ATF7: variants seen among roughly 807,000 people sequenced by gnomAD.
ATF7 encodes the protein cyclic AMP-dependent transcription factor ATF-7.
A neutral mutation model predicts 50.4 loss-of-function variants in ATF7; 10 were observed. That is an observed-to-expected ratio of 0.20 (90% confidence interval 0.12 to 0.34). The LOEUF (loss-of-function observed/expected upper bound fraction) is 0.34. Ranked by LOEUF, ATF7 falls within the 10% of genes least tolerant of loss-of-function variation. The pLI is 1.00. For missense variants in ATF7, 465 were observed against 613.9 expected, an observed-to-expected ratio of 0.76 and a Z score of 2.56; for synonymous variants, 201 against 226.4, an observed-to-expected ratio of 0.89 and a Z score of 1.01.
chr12:53,598,589 A>C (rs942111259), intron 2 of ATF7, among the ~76,000 whole-genome samples: 9 of 152,214 alleles, frequency 5.9e-5, no homozygotes, highest in Admixed American at 5.9e-4. Flanking sequence ...ACCAAAGTCA[A>C]AGTCCCTACT....
intron 1 of ATF7, among the ~76,000 whole-genome samples, chr12:53,614,026 G>A (rs1450174827): frequency 3.3e-5 from 5 of 152,098 alleles, no homozygotes; most frequent in Non-Finnish European, 7.3e-5. Flanking sequence ...AAATAGTTTT[G>A]CAGCAAATGA....
At chr12:53,531,408 G>C (rs1278496644) in intron 9 of ATF7, among the ~76,000 whole-genome samples, 3 of 146,580 alleles carry the variant, frequency 2.0e-5, no homozygotes, top group African/African-American at 7.6e-5. Context: ...GGCAACAAGA[G>C]CGAAACTCCA....
intron 11 of ATF7, among the ~76,000 whole-genome samples, chr12:53,521,496 T>C (rs1016104152): frequency 2.6e-5 from 4 of 152,196 alleles, no homozygotes; most frequent in Non-Finnish European, 5.9e-5. Flanking sequence ...CTTTGCATCT[T>C]TGCAGTTGCT....
At chr12:53,571,399 T>C (rs184712967) in intron 2 of ATF7, among the ~76,000 whole-genome samples, 1 of 152,248 alleles carries the variant, frequency 6.6e-6, no homozygotes, top group African/African-American at 2.4e-5. Flanking sequence ...AATTTAAACA[T>C]AATTATCTCC....
At chr12:53,547,262 G>T (rs1424675489) in intron 3 of ATF7, among the ~76,000 whole-genome samples, 1 of 147,996 alleles carries the variant, frequency 6.8e-6, no homozygotes, top group African/African-American at 2.5e-5. Context: ...GGGATTACAG[G>T]TGTGAGCCAC....
intron 2 of ATF7, among the ~76,000 whole-genome samples, chr12:53,600,276 T>C (rs1943337309): frequency 6.6e-6 from 1 of 152,198 alleles, no homozygotes; most frequent in Admixed American, 6.5e-5. Flanking sequence ...CATTATCAGC[T>C]GCCTCTCCAA....
rs551610116 is a variant in ATF7 at position 53,572,209 on chromosome 12, A to G, written c.49-19572T>C. ...TAACAGTTGTCACTCTATCCTAACA[A>G]CAAATAAAAAGCTGAACTGAAAAAT... On this transcript the variant is annotated intron_variant, in intron 2 of 11. Transcript: ENST00000420353. Among the ~76,000 whole-genome samples, 3 of 152,364 alleles carry G rather than the reference A, an allele frequency of 2.0e-5. No individual in the cohort carries two copies. In the East Asian group the frequency reaches 5.8e-4, roughly 29 times the overall value.
chr12:53,534,138 G>A (rs1006521439), intron 6 of ATF7, among the ~76,000 whole-genome samples: 3 of 152,074 alleles, frequency 2.0e-5, no homozygotes, highest in East Asian at 1.9e-4. Flanking sequence ...TTAGCTGGGC[G>A]TGGTTGCAGG....
intron 2 of ATF7, among the ~76,000 whole-genome samples, chr12:53,567,426 G>T (rs887022033): frequency 5.9e-5 from 9 of 152,188 alleles, no homozygotes; most frequent in Non-Finnish European, 1.3e-4. Flanking sequence ...CTAAAGAATG[G>T]AGTTTTAGAC....
At chr12:53,536,844 C>T (rs1004325820) in intron 5 of ATF7, among the ~76,000 whole-genome samples, 1 of 151,902 alleles carries the variant, frequency 6.6e-6, no homozygotes, top group African/African-American at 2.4e-5. Flanking sequence ...GCCAAGATCA[C>T]GCCATTGCAC....
chr12:53,520,036 G>A (rs989298793), intron 11 of ATF7, among the ~76,000 whole-genome samples: 2 of 151,998 alleles, frequency 1.3e-5, no homozygotes, highest in African/African-American at 4.8e-5. Context: ...GTGAGCCACC[G>A]AGCAACAGGA....
At chr12:53,584,082 C>T (rs1217257687) in intron 2 of ATF7, among the ~76,000 whole-genome samples, 1 of 152,150 alleles carries the variant, frequency 6.6e-6, no homozygotes, top group Non-Finnish European at 1.5e-5. Flanking sequence ...CAAGTTCAAG[C>T]GATTCTCCTG....
intron 2 of ATF7, among the ~76,000 whole-genome samples, chr12:53,600,014 C>A (rs980706531): frequency 6.6e-6 from 1 of 152,010 alleles, no homozygotes; most frequent in African/African-American, 2.4e-5. Context: ...AAATGACATA[C>A]AATATACACA....
At chr12:53,540,619 G>C (rs1198574442) in intron 4 of ATF7, among the ~76,000 whole-genome samples, 1 of 151,770 alleles carries the variant, frequency 6.6e-6, no homozygotes, top group South Asian at 2.1e-4. Context: ...CCAGGTACTC[G>C]GGAGGCTGAG....
chr12:53,567,896 C>T (rs980456791), intron 2 of ATF7, among the ~76,000 whole-genome samples: 2 of 152,190 alleles, frequency 1.3e-5, no homozygotes, highest in African/African-American at 4.8e-5. Context: ...TTCTATTTTT[C>T]AATCTCATCT....
chr12:53,602,584 G>C (rs1330804771), intron 1 of ATF7, among the ~76,000 whole-genome samples: 1 of 152,180 alleles, frequency 6.6e-6, no homozygotes, highest in Non-Finnish European at 1.5e-5. Flanking sequence ...AACTAGGAAG[G>C]AAAATGATGC....
At chr12:53,591,753 T>C (rs1345589685) in intron 2 of ATF7, among the ~76,000 whole-genome samples, 1 of 152,184 alleles carries the variant, frequency 6.6e-6, no homozygotes, top group Admixed American at 6.5e-5. Flanking sequence ...CTCTCTGGAA[T>C]AACATAAATG....
At chr12:53,588,932 C>G (rs769639082) in intron 2 of ATF7, among the ~76,000 whole-genome samples, 1 of 148,544 alleles carries the variant, frequency 6.7e-6, no homozygotes, top group Non-Finnish European at 1.5e-5. Context: ...GAATTTACAC[C>G]TTTTTTTTTT....
At chr12:53,546,977 CTTTTTTTT>C (rs565759569) in intron 3 of ATF7, among the ~76,000 whole-genome samples, 3 of 116,432 alleles carry the variant, frequency 2.6e-5, no homozygotes, top group Non-Finnish European at 3.7e-5. Flanking sequence ...CAGGCTGGCT[CTTTTTTTT>C]TTTTTTTTTT....
Sources: allele counts gnomAD v4.1 joint callset (sites outside exome capture counted in the v4.1 genomes callset), GRCh38; gene constraint gnomAD v4.1.1; transcripts MANE v1.5; gene names NCBI Gene and HGNC (gene_info 2026-07-23, HGNC 2026-07-21).